The following TSEN34 variants were observed in gnomAD, a reference collection of about 807,000 sequenced individuals.
TSEN34 encodes the protein tRNA splicing endonuclease subunit 34.
In TSEN34, 25 loss-of-function variants were observed where a neutral mutation model predicts 30.2. The observed-to-expected ratio is 0.83, with a 90% CI of 0.60 to 1.16. The LOEUF is 1.16. TSEN34 is among the 50% of genes most tolerant of loss of function. The probability of loss-of-function intolerance (pLI) is 0.00; values close to 1 mark genes in which losing one functional copy is unlikely to be tolerated. For synonymous variants in TSEN34, 209 were observed against 177.4 expected (o/e 1.18, Z -1.41); for missense variants, 475 against 411.9 (o/e 1.15, Z -1.33).
chr19:54,191,628 C>A, intron 1 of TSEN34, 21 bp downstream of exon 1: 1 of 1,606,072 alleles, frequency 6.2e-7, no homozygotes, highest in Non-Finnish European at 8.5e-7. Context: ...GGGGCTCGAA[C>A]TCGGGTTCGG....
chr19:54,190,969 A>G, upstream of TSEN34: 1 of 1,077,492 alleles, frequency 9.3e-7, no homozygotes, highest in Non-Finnish European at 1.1e-6. Context: ...TGGTGCCAAA[A>G]TGGACCTTTG....
chr19:54,193,602 G>C lies in TSEN34; in HGVS notation c.*240G>C. The C allele has an allele frequency of 7.2e-7, 1 of 1,398,600 alleles. No homozygotes were observed. The highest frequency in any genetic ancestry group is 1.2e-5 in the South Asian group (1 of 81,224). 86.6% of individuals were successfully genotyped at this position (1,398,600 alleles called of 1,614,324 possible). A position where few individuals can be genotyped will look rare whatever the true frequency, so the allele number is the denominator to read the frequency against. On this transcript the variant is annotated 3_prime_UTR_variant, in exon 4 of 4. Transcript: ENST00000396388. ...CTTCCCGAGAATGGGGCCTGGGTTTGATTCATCTGTTTTCTACAGGGTTTA... is the reference window on the plus strand; with the variant it reads ...CTTCCCGAGAATGGGGCCTGGGTTTCATTCATCTGTTTTCTACAGGGTTTA...
chr19:54,193,667 C>A lies in TSEN34; in HGVS notation c.*305C>A. ...TCAATAAACTTGGTATATAAATGTT[C>A]ATGATTTGAATGTTTGCGACAGTCC... is the stretch of plus-strand genomic sequence containing the variant. On this transcript the variant is annotated 3_prime_UTR_variant, in exon 4 of 4. Coordinates refer to ENST00000396388, the MANE Select transcript of TSEN34 (RefSeq NM_001077446.4). 1 of 924,372 alleles carries A rather than the reference C, an allele frequency of 1.1e-6. No individual in the cohort carries two copies. Among genetic ancestry groups the A allele is most frequent in the Non-Finnish European group, 1.7e-6 (1 of 588,346 alleles). 57.3% of individuals were successfully genotyped at this position (924,372 alleles called of 1,614,324 possible).
rs766045671 is a variant in TSEN34 at position 54,192,187 on chromosome 19, C to G, written c.559C>G (p.Leu187Val). 1 of 1,614,198 alleles carries G rather than the reference C, an allele frequency of 6.2e-7. No individual in the cohort carries two copies. Among genetic ancestry groups the G allele is most frequent in the Non-Finnish European group, 8.5e-7 (1 of 1,180,022 alleles). The change falls in exon 3 of 4, where the codon CTG becomes GTG. Residue 187 changes from leucine (L) to valine (V), a missense_variant. Physicochemically the swap from Leu to Val is conservative, Grantham distance 32. Coordinates refer to ENST00000396388, the MANE Select transcript of TSEN34 (RefSeq NM_001077446.4). ...PLPRSALLVQ[L>V]ATARPRPVKA... ...GCCCAGATCTGCTCTCCTTGTCCAG[C>G]TGGCCACTGCCAGGCCTCGACCGGT...
chr19:54,192,103 T>A lies in TSEN34; in HGVS notation c.488-13T>A, dbSNP rs199558314. ...CTTGAATTTACCAAACTCTTCTCTG[T>A]ACTCCCCACCAGGCCCCTCGTCTTC... On this transcript the variant is annotated splice_polypyrimidine_tract_variant and intron_variant, in intron 2 of 3. Coordinates refer to ENST00000396388, the MANE Select transcript of TSEN34 (RefSeq NM_001077446.4). 1.1e-5 allele frequency: 17 copies of A among 1,614,206 alleles called. No homozygotes were observed. The highest frequency in any genetic ancestry group is 3.3e-4 in the Middle Eastern group (2 of 6,062).
At chr19:54,190,847 A>C (rs1296731512), upstream of TSEN34, 1 of 1,051,298 alleles carries the variant, frequency 9.5e-7, no homozygotes, top group Non-Finnish European at 1.1e-6. Context: ...AAAGAGGAGG[A>C]GCGAAGGCTC....
chr19:54,190,348 C>T (rs1039543239), upstream of TSEN34: 7 of 1,528,302 alleles, frequency 4.6e-6, no homozygotes, highest in African/African-American at 5.6e-5. Flanking sequence ...GGCTCCACCT[C>T]GACTGCGAAT....
At position 54,194,175 on chromosome 19, in the gene TSEN34, G is replaced by C. The variant is rs1026602882; in HGVS notation, c.*813G>C. 6.2e-6 allele frequency: 1 copy of C among 162,186 alleles called. No individual in the cohort carries two copies. The highest frequency in any genetic ancestry group is 1.6e-4 in the South Asian group (1 of 6,416). 10.0% of individuals were successfully genotyped at this position (162,186 alleles called of 1,614,324 possible). On this transcript the variant is annotated 3_prime_UTR_variant, in exon 4 of 4. Coordinates refer to ENST00000396388, the MANE Select transcript of TSEN34 (RefSeq NM_001077446.4). Reference sequence around the variant, plus strand: ...CCTGTCTCAAAAAATATATATATGTGTGTGTGTATATATGTAAATATACAC... The same window carrying C: ...CCTGTCTCAAAAAATATATATATGTCTGTGTGTATATATGTAAATATACAC...
At chr19:54,192,065 G>A (rs959784153) in intron 2 of TSEN34, 51 bp from the exon 3 acceptor site, 1 of 1,614,178 alleles carries the variant, frequency 6.2e-7, no homozygotes, top group African/African-American at 1.3e-5. Flanking sequence ...CTGAGGGTGA[G>A]AAGACTTTAC....
chr19:54,194,146 A>G lies in TSEN34; in HGVS notation c.*784A>G, dbSNP rs915010501. The G allele has an allele frequency of 4.8e-5, 8 of 167,704 alleles. No individual in the cohort carries two copies. The highest frequency in any genetic ancestry group is 1.9e-4 in the African/African-American group (8 of 41,502). The allele number at this position is 167,704 out of a possible 1,614,324, so 10.4% of individuals were successfully genotyped here. On this transcript the variant is annotated 3_prime_UTR_variant, in exon 4 of 4. Transcript: ENST00000396388. The stretch of plus-strand genomic sequence containing the variant: ...GCCCTCCAGCCTGGGAGACAGAGCA[A>G]GAACCTGTCTCAAAAAATATATATA...
chr19:54,190,285 G>C, upstream of TSEN34: 1 of 1,316,902 alleles, frequency 7.6e-7, no homozygotes, highest in Non-Finnish European at 1.1e-6. Context: ...GTTGACGAGG[G>C]TGTCGGCATG....
At chr19:54,190,978 T>G, upstream of TSEN34, 2 of 1,092,372 alleles carry the variant, frequency 1.8e-6, no homozygotes, top group Non-Finnish European at 1.1e-6. Flanking sequence ...AATGGACCTT[T>G]GTAAGGGGGC....
Position 54,191,444 on chromosome 19 carries a change from G to C in TSEN34, c.80G>C (p.Gly27Ala). 6.5e-7 allele frequency: 1 copy of C among 1,548,058 alleles called. No individual in the cohort carries two copies. Among genetic ancestry groups the C allele is most frequent in the Non-Finnish European group, 8.7e-7 (1 of 1,146,822 alleles). ...EAVQALRERL[G>A]VGGRTVGALP... is the part of the protein sequence containing the mutation. ...GTGCAGGCCCTCCGGGAGCGCCTGG[G>C]TGTGGGGGGCCGCACGGTAGGCGCC... The change falls in exon 1 of 4, where the codon GGT becomes GCT. Residue 27 changes from glycine to alanine, a missense_variant. Gly to Ala is a moderately conservative substitution (Grantham distance 60, BLOSUM62 0). Coordinates refer to ENST00000396388, the MANE Select transcript of TSEN34 (RefSeq NM_001077446.4).
chr19:54,190,455 G>C, upstream of TSEN34: 1 of 1,401,290 alleles, frequency 7.1e-7, no homozygotes. Flanking sequence ...ATTGGGGTGA[G>C]CCCGCCCGAG....
Position 54,192,389 on chromosome 19 carries a change from G to A in TSEN34, c.745+16G>A, listed in dbSNP as rs750467589. The A allele has an allele frequency of 5.6e-6, 9 of 1,614,058 alleles. No individual in the cohort carries two copies. Among genetic ancestry groups the A allele is most frequent in the Admixed American group, 1.7e-5 (1 of 60,016 alleles). On this transcript the variant is annotated intron_variant, in intron 3 of 3. Transcript: ENST00000396388. ...GTCTATCCTGGTGAGTATGGGTTGG[G>A]GCCTCTGGTTGCTGTGCCTTTCCAT...
At position 54,192,159 on chromosome 19, in the gene TSEN34, C is replaced by T; in HGVS notation, c.531C>T (p.Pro177=). 6.2e-7 allele frequency: 1 copy of T among 1,614,234 alleles called. No individual in the cohort carries two copies. Among genetic ancestry groups the T allele is most frequent in the Non-Finnish European group, 8.5e-7 (1 of 1,180,036 alleles). Residue 177 remains proline (P), a synonymous_variant, in exon 3 of 4, where the codon CCC becomes CCT. Transcript: ENST00000396388. The part of the protein sequence containing the change: ...SQAGPSNGVA[P]LPRSALLVQL... Reference sequence around the variant, plus strand: ...CAGGACCCTCAAATGGGGTAGCCCCCTTGCCCAGATCTGCTCTCCTTGTCC... The same window carrying T: ...CAGGACCCTCAAATGGGGTAGCCCCTTTGCCCAGATCTGCTCTCCTTGTCC...
chr19:54,190,455 G>A, upstream of TSEN34: 3 of 1,401,292 alleles, frequency 2.1e-6, no homozygotes, highest in Non-Finnish European at 2.8e-6. Context: ...ATTGGGGTGA[G>A]CCCGCCCGAG....
At chr19:54,191,242 C>T (rs2076674606), upstream of TSEN34, 26 of 1,471,940 alleles carry the variant, frequency 1.8e-5, no homozygotes, top group Non-Finnish European at 2.2e-5. Context: ...CTGAGCGAGG[C>T]CCCGCCCCCT....
At chr19:54,193,000 T>C (rs945843054) in intron 3 of TSEN34, among the ~76,000 whole-genome samples, 175 bp from the exon 4 acceptor site, 1 of 51,104 alleles carries the variant, frequency 2.0e-5, no homozygotes, top group Non-Finnish European at 3.5e-5. Context: ...AGCGAGACTT[T>C]GTCTCAAAAA....
Sources: allele counts gnomAD v4.1 joint callset (sites outside exome capture counted in the v4.1 genomes callset), GRCh38; gene constraint gnomAD v4.1.1; transcripts MANE v1.5; gene names NCBI Gene and HGNC (gene_info 2026-07-23, HGNC 2026-07-21).